The following CASK variants were observed in gnomAD, a reference collection of about 807,000 sequenced individuals.
CASK encodes calcium/calmodulin dependent serine protein kinase.
In CASK, 4 loss-of-function variants were observed where a neutral mutation model predicts 82.9. The ratio of observed to expected loss-of-function variants is 0.05; its 90% CI spans 0.02 to 0.11. The LOEUF (loss-of-function observed/expected upper bound fraction) is 0.11. Ranked by LOEUF, CASK falls within the 10% of genes least tolerant of loss-of-function variation. The probability of loss-of-function intolerance (pLI) is 1.00; values close to 1 mark genes in which losing one functional copy is unlikely to be tolerated. For synonymous variants in CASK, 259 were observed against 253.5 expected (o/e 1.02, Z -0.20); for missense variants, 358 against 720.9 (o/e 0.50, Z 5.76).
intron 4 of CASK, among the ~76,000 whole-genome samples, chrX:41,744,624 A>G (rs562368): frequency 0.19 from 21,260 of 110,665 alleles, 1,625 homozygotes; most frequent in Middle Eastern, 0.29. Context: ...GATTACAGGC[A>G]TGAGCCACCG....
intron 8 of CASK, among the ~76,000 whole-genome samples, chrX:41,638,599 T>C (rs945737067): frequency 2.7e-5 from 3 of 110,470 alleles, no homozygotes; most frequent in Non-Finnish European, 5.7e-5. Context: ...ATGGAGAAAG[T>C]GACATTTAGA....
chrX:41,640,281 G>GC (rs2066626840), intron 8 of CASK, among the ~76,000 whole-genome samples: 1 of 109,847 alleles, frequency 9.1e-6, no homozygotes, highest in South Asian at 3.9e-4. Flanking sequence ...TCGGCTCACT[G>GC]CAACTTCTGC....
At chrX:41,862,616 GGAGGGTGA>G (rs2147992567) in intron 1 of CASK, among the ~76,000 whole-genome samples, 1 of 109,183 alleles carries the variant, frequency 9.2e-6, no homozygotes, top group African/African-American at 3.3e-5. Flanking sequence ...ATGAAAAACT[GGAGGGTGA>G]GAAGTGGCTG....
chrX:41,728,029 T>C (rs2068299615), intron 5 of CASK: 3 of 1,087,969 alleles, frequency 2.8e-6, no homozygotes, highest in Non-Finnish European at 3.7e-6. Context: ...TATGCAATCA[T>C]ATGGTTGACT....
chrX:41,855,673 A>C (rs1197935141), intron 1 of CASK, among the ~76,000 whole-genome samples: 1 of 111,472 alleles, frequency 9.0e-6, no homozygotes, highest in Non-Finnish European at 1.9e-5. Context: ...TCACCCTTAA[A>C]ATTTTAAATC....
chrX:41,883,147 T>G (rs1279604716), intron 1 of CASK, among the ~76,000 whole-genome samples: 1 of 111,949 alleles, frequency 8.9e-6, no homozygotes, highest in Non-Finnish European at 1.9e-5. Flanking sequence ...TATGGAAATG[T>G]AGGACATTTT....
intron 5 of CASK, chrX:41,727,556 T>C (rs2147679854): frequency 8.3e-7 from 1 of 1,206,780 alleles, no homozygotes; most frequent in Non-Finnish European, 1.1e-6. Flanking sequence ...TACTCAGTCA[T>C]AGAGGCTACA....
intron 3 of CASK, among the ~76,000 whole-genome samples, chrX:41,759,373 G>A (rs2068955708): frequency 8.9e-6 from 1 of 111,790 alleles, no homozygotes; most frequent in South Asian, 3.7e-4. Flanking sequence ...AGGAATGCCT[G>A]GTGCTGCCTG....
chrX:41,867,153 C>T (rs747401556), intron 1 of CASK, among the ~76,000 whole-genome samples: 6 of 112,199 alleles, frequency 5.3e-5, no homozygotes, highest in South Asian at 3.7e-4. Flanking sequence ...TACACAAACA[C>T]GGTTATGCAT....
Position 41,776,938 on chromosome X carries a change from C to A in CASK, c.278+10240G>T, listed in dbSNP as rs769221088. ...TTTTTGTTTTGGTGGAAATTGACAA[C>A]CTCATTCTAAAATGTATATGAGAAA... is the stretch of plus-strand genomic sequence containing the variant. On this transcript the variant is annotated intron_variant, in intron 3 of 26. Transcript: ENST00000378163. Among the ~76,000 whole-genome samples the A allele has an allele frequency of 2.9e-4, 32 of 111,875 alleles. No homozygotes were observed. The South Asian group carries it at 5.6e-3, about 20-fold the overall frequency.
intron 1 of CASK, among the ~76,000 whole-genome samples, chrX:41,915,881 G>C (rs2072671070): frequency 9.0e-6 from 1 of 111,096 alleles, no homozygotes; most frequent in Admixed American, 9.5e-5. Flanking sequence ...CCAGCTACTC[G>C]GGAGGCTGAG....
intron 1 of CASK, among the ~76,000 whole-genome samples, chrX:41,882,650 C>G (rs1315360185): frequency 9.0e-6 from 1 of 111,584 alleles, no homozygotes; most frequent in African/African-American, 3.3e-5. Context: ...TCACTTTCTT[C>G]TTAACCATGG....
At chrX:41,678,358 T>C (rs757870505) in intron 5 of CASK, among the ~76,000 whole-genome samples, 1 of 105,304 alleles carries the variant, frequency 9.5e-6, no homozygotes, top group Non-Finnish European at 2.0e-5. Flanking sequence ...AGGTAATTTT[T>C]CCTGTGAAAT....
chrX:41,529,203 C>T (rs2064760456), intron 25 of CASK, among the ~76,000 whole-genome samples: 1 of 111,648 alleles, frequency 9.0e-6, no homozygotes, highest in African/African-American at 3.3e-5. Flanking sequence ...CTCAGGGGAG[C>T]AGAGGAGAGT....
At chrX:41,625,419 C>A (rs1372896025) in intron 10 of CASK, among the ~76,000 whole-genome samples, 1 of 110,773 alleles carries the variant, frequency 9.0e-6, no homozygotes, top group Admixed American at 9.6e-5. Context: ...ATCTCCTGAC[C>A]TCATCATCTG....
intron 8 of CASK, among the ~76,000 whole-genome samples, chrX:41,641,141 A>G (rs975667804): frequency 9.1e-6 from 1 of 109,967 alleles, no homozygotes; most frequent in East Asian, 2.8e-4. Flanking sequence ...ATGCGCTATC[A>G]CGCCCGGCTA....
chrX:41,798,006 CTT>C (rs1264216845), intron 2 of CASK, among the ~76,000 whole-genome samples: 1 of 111,941 alleles, frequency 8.9e-6, no homozygotes, highest in Non-Finnish European at 1.9e-5. Flanking sequence ...ATATGCCTAA[CTT>C]TTTATGTCAC....
At chrX:41,622,336 C>T (rs774824061) in intron 11 of CASK, among the ~76,000 whole-genome samples, 2 of 112,305 alleles carry the variant, frequency 1.8e-5, no homozygotes, top group Non-Finnish European at 3.8e-5. Context: ...TTAATGTATT[C>T]GTATGTGAAA....
At chrX:41,887,398 G>A (rs1438610335) in intron 1 of CASK, among the ~76,000 whole-genome samples, 5 of 107,429 alleles carry the variant, frequency 4.7e-5, no homozygotes, top group Non-Finnish European at 9.6e-5. Context: ...GTCTTTATCT[G>A]CTACCTAAGC....
Sources: gnomAD v4.1 joint callset for allele counts (sites outside exome capture counted in the v4.1 genomes callset) on GRCh38, gnomAD v4.1.1 for gene constraint, MANE v1.5 for transcripts, NCBI Gene and HGNC (gene_info 2026-07-23, HGNC 2026-07-21) for gene names.